The following NTF3 variants were observed in gnomAD, a reference collection of about 807,000 sequenced individuals.
NTF3 encodes neurotrophin 3.
A neutral mutation model predicts 26.3 loss-of-function variants in NTF3; 8 were observed. The ratio of observed to expected loss-of-function variants is 0.30; its 90% confidence interval spans 0.18 to 0.55. The LOEUF is 0.55. NTF3 is among the 20% of genes least tolerant of loss of function. The pLI is 0.93. For synonymous variants in NTF3, 154 were observed against 145.5 expected, an observed-to-expected ratio of 1.06 and a Z score of -0.42; for missense variants, 276 against 352.9, an observed-to-expected ratio of 0.78 and a Z score of 1.75.
chr12:5,439,859 C>A (rs776887269), intron 1 of NTF3, among the ~76,000 whole-genome samples: 4 of 152,208 alleles, frequency 2.6e-5, no homozygotes, highest in Admixed American at 6.5e-5. Context: ...GGCTAGGGAA[C>A]TCACACCATT....
chr12:5,443,795 C>T (rs1355251007), intron 1 of NTF3, among the ~76,000 whole-genome samples: 3 of 152,042 alleles, frequency 2.0e-5, no homozygotes, highest in Non-Finnish European at 4.4e-5. Flanking sequence ...TAAACCACCA[C>T]CAAGGAAACC....
At chr12:5,477,830 A>G (rs1591603751) in intron 1 of NTF3, among the ~76,000 whole-genome samples, 1 of 152,176 alleles carries the variant, frequency 6.6e-6, no homozygotes, top group Admixed American at 6.5e-5. Context: ...GACTGCAAAA[A>G]AGGGAAGTTC....
chr12:5,432,357 CGGGCACCTTGGGT>C lies in NTF3; in HGVS notation c.18+21_18+33del. The C allele has an allele frequency of 6.3e-7, 1 of 1,588,050 alleles. No homozygotes were observed. The highest frequency in any genetic ancestry group is 8.6e-7 in the Non-Finnish European group (1 of 1,165,544). On this transcript the variant is annotated intron_variant, in intron 1 of 1. Coordinates refer to ENST00000423158, the MANE Select transcript of NTF3 (RefSeq NM_001102654.2). The stretch of plus-strand genomic sequence containing the variant: ...CTTTTGCCACGGTAAGGGGAGGCGG[CGGGCACCTTGGGT>C]GGGCAGGTTTGGGGATGGGGGTCCA...
intron 1 of NTF3, among the ~76,000 whole-genome samples, chr12:5,471,115 G>C (rs1940660763): frequency 1.3e-5 from 2 of 151,976 alleles, no homozygotes; most frequent in South Asian, 4.2e-4. Flanking sequence ...GATTTCTGTT[G>C]AGAAACATGG....
chr12:5,480,893 T>C (rs2121232136), intron 1 of NTF3, among the ~76,000 whole-genome samples: 1 of 151,904 alleles, frequency 6.6e-6, no homozygotes, highest in East Asian at 1.9e-4. Flanking sequence ...GGAGAAATAA[T>C]GAGAAATGCA....
chr12:5,484,751 C>T (rs930772924), intron 1 of NTF3, among the ~76,000 whole-genome samples: 2 of 152,268 alleles, frequency 1.3e-5, no homozygotes, highest in African/African-American at 4.8e-5. Flanking sequence ...GCCTGCGTTG[C>T]ATGCGTGGGG....
At position 5,432,144 on chromosome 12, in the gene NTF3, C is replaced by G. The variant is rs1266907126; in HGVS notation, c.-181C>G. 2.8e-6 allele frequency: 2 copies of G among 714,012 alleles called. No individual in the cohort carries two copies. The highest frequency in any genetic ancestry group is 2.5e-6 in the Non-Finnish European group (1 of 403,944). 44.2% of individuals were successfully genotyped at this position (714,012 alleles called of 1,614,324 possible). A position where few individuals can be genotyped will look rare whatever the true frequency, so the allele number is the denominator to read the frequency against. ...AAGCTCCTCTCCCTTCCGAACAGCT[C>G]CGCGCACCGCCCCGCGACGCAGCCC... is the stretch of plus-strand genomic sequence containing the variant. On this transcript the variant is annotated 5_prime_UTR_variant, in exon 1 of 2. Transcript: ENST00000423158.
chr12:5,481,311 G>A (rs920397542), intron 1 of NTF3, among the ~76,000 whole-genome samples: 12 of 151,822 alleles, frequency 7.9e-5, no homozygotes, highest in African/African-American at 2.9e-4. Context: ...CTGCTTTTTG[G>A]CATCTCCCCT....
chr12:5,493,005 T>G lies in NTF3; in HGVS notation c.19-1189T>G, dbSNP rs577758691. ...GGACAGAACTTTAAAGAGGAAATGA[T>G]GTACCCCCCTGGGAGCCAGTGAGGT... On this transcript the variant is annotated intron_variant, in intron 1 of 1. Coordinates refer to ENST00000423158, the MANE Select transcript of NTF3 (RefSeq NM_001102654.2). Among the ~76,000 whole-genome samples, 21 of 152,324 alleles carry G rather than the reference T, an allele frequency of 1.4e-4. 1 individual carries two copies. The East Asian group carries it at 3.5e-3, about 25-fold the overall frequency.
intron 1 of NTF3, among the ~76,000 whole-genome samples, chr12:5,488,976 T>C (rs1940901756): frequency 6.6e-6 from 1 of 152,234 alleles, no homozygotes; most frequent in Non-Finnish European, 1.5e-5. Context: ...GACTCCTCTC[T>C]GAGGAAAGCT....
chr12:5,459,658 G>A (rs1041835827), intron 1 of NTF3, among the ~76,000 whole-genome samples: 40 of 152,274 alleles, frequency 2.6e-4, no homozygotes, highest in African/African-American at 9.4e-4. Context: ...AGAGCTTAGC[G>A]GATGTCCTAG....
intron 1 of NTF3, among the ~76,000 whole-genome samples, chr12:5,438,842 C>G (rs1370610494): frequency 6.6e-6 from 1 of 152,214 alleles, no homozygotes; most frequent in Non-Finnish European, 1.5e-5. Flanking sequence ...GAAGATCTCC[C>G]AGTCCCATTC....
At position 5,433,681 on chromosome 12, in the gene NTF3, G is replaced by A. The variant is rs1940130284; in HGVS notation, c.18+1339G>A. Among the ~76,000 whole-genome samples the A allele has an allele frequency of 6.6e-6, 1 of 152,124 alleles. No homozygotes were observed. The highest frequency in any genetic ancestry group is 1.5e-5 in the Non-Finnish European group (1 of 68,026). Reference sequence around the variant, plus strand: ...GAATCGAGGCTGGGGTGGGATTGCCGGTGGGGGAAACACCGAAAAGATCGT... The same window carrying A: ...GAATCGAGGCTGGGGTGGGATTGCCAGTGGGGGAAACACCGAAAAGATCGT... On this transcript the variant is annotated intron_variant, in intron 1 of 1. Transcript: ENST00000423158. This position sits in a 1 kb window ranked among gnomAD's most constrained non-coding sequence, Gnocchi z 4.6.
chr12:5,452,159 A>ATG (rs1940382438), intron 1 of NTF3, among the ~76,000 whole-genome samples: 1 of 146,602 alleles, frequency 6.8e-6, no homozygotes, highest in Non-Finnish European at 1.5e-5. Context: ...GCAGTGGCGC[A>ATG]ATCTCAGCTC....
intron 1 of NTF3, among the ~76,000 whole-genome samples, chr12:5,454,112 C>T (rs1940408437): frequency 6.6e-6 from 1 of 152,186 alleles, no homozygotes. Flanking sequence ...CCTCACAGTT[C>T]TGGAGGCCAG....
At chr12:5,472,089 G>T (rs1052205698) in intron 1 of NTF3, among the ~76,000 whole-genome samples, 6 of 152,086 alleles carry the variant, frequency 3.9e-5, no homozygotes, top group African/African-American at 1.4e-4. Flanking sequence ...CAATGGTAAG[G>T]TTACCATCTC....
At chr12:5,463,049 A>G (rs868452350) in intron 1 of NTF3, among the ~76,000 whole-genome samples, 3 of 152,154 alleles carry the variant, frequency 2.0e-5, no homozygotes, top group South Asian at 2.1e-4. Flanking sequence ...GATTACCTCA[A>G]TCCAGGGTTG....
At chr12:5,462,260 C>T (rs1940534449) in intron 1 of NTF3, among the ~76,000 whole-genome samples, 1 of 152,150 alleles carries the variant, frequency 6.6e-6, no homozygotes, top group Non-Finnish European at 1.5e-5. Flanking sequence ...TAGCTATATA[C>T]CAATTACTTT....
intron 1 of NTF3, among the ~76,000 whole-genome samples, chr12:5,441,093 A>C (rs1277302265): frequency 6.6e-6 from 1 of 152,326 alleles, no homozygotes; most frequent in Admixed American, 6.5e-5. Context: ...AAGCTAAATC[A>C]GAGAGATCCC....
Sources: allele counts gnomAD v4.1 joint callset (sites outside exome capture counted in the v4.1 genomes callset), GRCh38; gene constraint gnomAD v4.1.1; non-coding constraint Gnocchi (gnomAD v3.1); transcripts MANE v1.5; gene names NCBI Gene and HGNC (gene_info 2026-07-23, HGNC 2026-07-21).